MYLK: variants seen among roughly 807,000 people sequenced by gnomAD.
MYLK encodes myosin light chain kinase, smooth muscle.
A neutral mutation model predicts 203.4 loss-of-function variants in MYLK; 106 were observed. The ratio of observed to expected loss-of-function variants is 0.52; its 90% CI spans 0.45 to 0.61. The LOEUF is 0.61. MYLK is among the 20% of genes least tolerant of loss of function. The pLI is 0.00. For synonymous variants in MYLK, 867 were observed against 959.5 expected, an observed-to-expected ratio of 0.90 and a Z score of 1.78; for missense variants, 2,072 against 2,442.3, an observed-to-expected ratio of 0.85 and a Z score of 3.20.
At position 123,648,922 on chromosome 3, in the gene MYLK, G is replaced by A. The variant is rs765770042; in HGVS notation, c.4415+49C>T. On this transcript the variant is annotated intron_variant, in intron 26 of 33. Transcript: ENST00000360304. This position sits in a 1 kb window ranked among gnomAD's most constrained non-coding sequence, Gnocchi z 4.5. Reference sequence around the variant, plus strand: ...GGCACTGAATCTAACTGTGAGACCCGCACCACCCTCACCCTGGGAGCCCAG... The same window carrying A: ...GGCACTGAATCTAACTGTGAGACCCACACCACCCTCACCCTGGGAGCCCAG... 4.5e-5 allele frequency: 69 copies of A among 1,527,280 alleles called. No homozygotes were observed. The highest frequency in any genetic ancestry group is 3.7e-4 in the Admixed American group (22 of 59,864). 94.6% of individuals were successfully genotyped at this position (1,527,280 alleles called of 1,614,324 possible).
chr3:123,629,768 T>C lies in MYLK; in HGVS notation c.4962-142A>G. 1.2e-6 allele frequency: 1 copy of C among 823,232 alleles called. No individual in the cohort carries two copies. Among genetic ancestry groups the C allele is most frequent in the Non-Finnish European group, 2.0e-6 (1 of 511,666 alleles). The allele number at this position is 823,232 out of a possible 1,614,324, so 51.0% of individuals were successfully genotyped here. Reference sequence around the variant, plus strand: ...TCTGTGGGCCTTGCACCTGCCTTTCTTCCACTTGTGGAAAGAAAAGAGGGT... The same window carrying C: ...TCTGTGGGCCTTGCACCTGCCTTTCCTCCACTTGTGGAAAGAAAAGAGGGT... On this transcript the variant is annotated intron_variant, in intron 29 of 33. Transcript: ENST00000360304. This position sits in a 1 kb window ranked among gnomAD's most constrained non-coding sequence, Gnocchi z 4.4.
chr3:123,770,063 C>A (rs1354543398), intron 4 of MYLK, among the ~76,000 whole-genome samples: 1 of 151,392 alleles, frequency 6.6e-6, no homozygotes, highest in Non-Finnish European at 1.5e-5. Context: ...GTAATCCCAG[C>A]ACTTTTGGAG....
At chr3:123,717,839 C>CTT (rs10574979) in intron 13 of MYLK, among the ~76,000 whole-genome samples, 17 of 94,962 alleles carry the variant, frequency 1.8e-4, no homozygotes, top group African/African-American at 5.6e-4. Context: ...TTGAGGGACT[C>CTT]TTTTTTTTTT....
chr3:123,641,668 G>A (rs547093514), intron 27 of MYLK, among the ~76,000 whole-genome samples: 2 of 151,380 alleles, frequency 1.3e-5, no homozygotes, highest in East Asian at 2.0e-4. Flanking sequence ...CATCATGCCT[G>A]GCCTATAACC....
At chr3:123,667,417 C>T (rs559799618) in intron 20 of MYLK, among the ~76,000 whole-genome samples, 4 of 152,052 alleles carry the variant, frequency 2.6e-5, no homozygotes, top group East Asian at 1.9e-4. Context: ...GCCTGGCCAG[C>T]GTGGTGAAAC....
intron 2 of MYLK, among the ~76,000 whole-genome samples, chr3:123,867,696 G>A (rs775283936): frequency 2.0e-5 from 3 of 152,214 alleles, no homozygotes; most frequent in African/African-American, 4.8e-5. Flanking sequence ...AGCCTCTGGA[G>A]CTGTGAGAAA....
At chr3:123,685,968 C>G (rs1174859832) in intron 19 of MYLK, among the ~76,000 whole-genome samples, 2 of 152,208 alleles carry the variant, frequency 1.3e-5, no homozygotes, top group Non-Finnish European at 2.9e-5. Context: ...GAAGTGTCAG[C>G]ACGGTGGGGC....
In MYLK at chr3:123,818,721, C is replaced by T. The variant is rs138427711; in HGVS notation, c.-4+12827G>A. On this transcript the variant is annotated intron_variant, in intron 3 of 33. Transcript: ENST00000360304. The stretch of plus-strand genomic sequence containing the variant: ...AAAAACAAAAACCCACAACTCGCAA[C>T]CACACAGTGGTTAAATGTGCAGATT... 3.3e-3 allele frequency among the ~76,000 whole-genome samples: 505 copies of T among 152,254 alleles called. 2 individuals are homozygous for T. The highest frequency in any genetic ancestry group is 0.011 in the African/African-American group (460 of 41,552).
intron 2 of MYLK, among the ~76,000 whole-genome samples, chr3:123,861,430 A>C (rs2031909939): frequency 1.3e-5 from 2 of 152,238 alleles, no homozygotes; most frequent in Admixed American, 1.3e-4. Context: ...CATAAGGAGA[A>C]CCTTAGTTAA....
At chr3:123,685,028 C>T (rs190422733) in intron 19 of MYLK, among the ~76,000 whole-genome samples, 1 of 152,314 alleles carries the variant, frequency 6.6e-6, no homozygotes, top group East Asian at 1.9e-4. Flanking sequence ...TCCTGGGCTC[C>T]TGAAAGAAGG....
intron 1 of MYLK, among the ~76,000 whole-genome samples, chr3:123,879,635 G>C (rs2033392886): frequency 6.6e-6 from 1 of 152,066 alleles, no homozygotes; most frequent in Non-Finnish European, 1.5e-5. Flanking sequence ...TTTTGTTGTT[G>C]TTGTTTGTTT....
chr3:123,719,465 T>C (rs1441627707), intron 13 of MYLK, among the ~76,000 whole-genome samples: 1 of 152,234 alleles, frequency 6.6e-6, no homozygotes, highest in Non-Finnish European at 1.5e-5. Flanking sequence ...AAGGATTGTA[T>C]CTTGTTTAAA....
intron 20 of MYLK, among the ~76,000 whole-genome samples, chr3:123,680,842 T>C (rs796498275): frequency 9.3e-4 from 142 of 152,340 alleles, no homozygotes; most frequent in African/African-American, 3.3e-3. Flanking sequence ...GTTTGTTTGT[T>C]TTAAAACACA....
At position 123,846,631 on chromosome 3, in the gene MYLK, C is replaced by T. The variant is rs1431497971; in HGVS notation, c.-126-14961G>A. ...AAATTGTTTCCTAAAGCTGTAGTAC[C>T]GTCCTTCCAGCAGCGTAGGAGACTG... On this transcript the variant is annotated intron_variant, in intron 2 of 33. Transcript: ENST00000360304. Among the ~76,000 whole-genome samples, 3 of 152,074 alleles carry T rather than the reference C, an allele frequency of 2.0e-5. 1 individual carries two copies. Among genetic ancestry groups the T allele is most frequent in the Non-Finnish European group, 1.5e-5 (1 of 68,006 alleles).
At chr3:123,790,492 G>A (rs926033900) in intron 4 of MYLK, among the ~76,000 whole-genome samples, 2 of 152,296 alleles carry the variant, frequency 1.3e-5, no homozygotes, top group African/African-American at 2.4e-5. Flanking sequence ...GCATCTCGTC[G>A]TTTGGAGCTC....
intron 5 of MYLK, among the ~76,000 whole-genome samples, chr3:123,742,211 C>G (rs371120823): frequency 2.2e-4 from 33 of 152,276 alleles, no homozygotes; most frequent in African/African-American, 7.5e-4. Flanking sequence ...GCTAAAGACC[C>G]AACCCATATC....
intron 5 of MYLK, among the ~76,000 whole-genome samples, chr3:123,743,437 C>T (rs2062919750): frequency 6.6e-6 from 1 of 152,026 alleles, no homozygotes; most frequent in African/African-American, 2.4e-5. Context: ...GCTAAAATTA[C>T]TAACAGGGTC....
intron 23 of MYLK, among the ~76,000 whole-genome samples, chr3:123,660,040 C>A (rs1229014787): frequency 6.6e-6 from 1 of 152,212 alleles, no homozygotes; most frequent in Non-Finnish European, 1.5e-5. Flanking sequence ...CTAGCCCCAC[C>A]TGGATGTCCC....
chr3:123,647,160 C>T, intron 27 of MYLK, 64 bp downstream of exon 27: 1 of 1,473,276 alleles, frequency 6.8e-7, no homozygotes, highest in South Asian at 1.1e-5. Context: ...TGGGGTAGGG[C>T]AGTAGGGGAG....
Sources: allele counts gnomAD v4.1 joint callset (sites outside exome capture counted in the v4.1 genomes callset), GRCh38; gene constraint gnomAD v4.1.1; non-coding constraint Gnocchi (gnomAD v3.1); transcripts MANE v1.5; gene names NCBI Gene and HGNC (gene_info 2026-07-23, HGNC 2026-07-21).